Variants in ANO10 observed in about 807,000 individuals in gnomAD.
ANO10 encodes anoctamin-10.
Under a neutral mutation model 74.7 loss-of-function variants are expected in ANO10, and 77 were observed. That is an observed-to-expected ratio of 1.03 (90% CI 0.86 to 1.25). ANO10 has a LOEUF of 1.25. ANO10 is among the 50% of genes most tolerant of loss of function. The pLI, the probability that ANO10 is intolerant of heterozygous loss-of-function variation, is 0.00. For synonymous variants in ANO10, 279 were observed against 284.9 expected, an observed-to-expected ratio of 0.98 and a Z score of 0.21; for missense variants, 721 against 778.1, an observed-to-expected ratio of 0.93 and a Z score of 0.87.
chr3:43,590,585 G>A (rs2081690166), intron 4 of ANO10, among the ~76,000 whole-genome samples: 1 of 152,158 alleles, frequency 6.6e-6, no homozygotes. Context: ...GGGGAACAAT[G>A]AGAAAACGAT....
Position 43,432,709 on chromosome 3 carries a change from T to C in ANO10, c.1816A>G (p.Lys606Glu), listed in dbSNP as rs765087258. Residue 606 changes from lysine (K) to glutamate (E), a missense_variant, in exon 12 of 13, where the codon AAG becomes GAG. Lys to Glu is a moderately conservative substitution (Grantham distance 56). Coordinates refer to ENST00000292246, the MANE Select transcript of ANO10 (RefSeq NM_018075.5). The stretch of plus-strand genomic sequence containing the variant: ...GGTATGGCAAATGCAAGTATAAACT[T>C]TAAAGCCAGGAGTGCGTGCTGAAAA... ...VAVEHALLAL[K>E]FILAFAIPDK... is the part of the protein sequence containing the mutation. 6.2e-7 allele frequency: 1 copy of C among 1,613,576 alleles called. No individual in the cohort carries two copies. Among genetic ancestry groups the C allele is most frequent in the South Asian group, 1.1e-5 (1 of 91,074 alleles).
chr3:43,477,168 C>T (rs1288099064), intron 11 of ANO10, among the ~76,000 whole-genome samples: 2 of 151,988 alleles, frequency 1.3e-5, no homozygotes, highest in Non-Finnish European at 2.9e-5. Flanking sequence ...TTTCATTATC[C>T]CTCAAATTAA....
At chr3:43,460,623 T>C (rs2075335843) in intron 11 of ANO10, among the ~76,000 whole-genome samples, 1 of 152,188 alleles carries the variant, frequency 6.6e-6, no homozygotes, top group South Asian at 2.1e-4. Flanking sequence ...TGCTACTGGC[T>C]AATTCTCAAT....
At chr3:43,676,535 T>G (rs998962020) in intron 1 of ANO10, among the ~76,000 whole-genome samples, 4 of 152,158 alleles carry the variant, frequency 2.6e-5, no homozygotes, top group African/African-American at 9.7e-5. Context: ...GACAAAATTA[T>G]AGGAATAGAT....
intron 11 of ANO10, among the ~76,000 whole-genome samples, chr3:43,545,516 C>T (rs1043344583): frequency 2.0e-5 from 3 of 152,116 alleles, no homozygotes; most frequent in Non-Finnish European, 4.4e-5. Flanking sequence ...CAGGCACGCA[C>T]CACCATGCCC....
chr3:43,595,425 G>A (rs1341521757), intron 4 of ANO10, among the ~76,000 whole-genome samples: 1 of 152,260 alleles, frequency 6.6e-6, no homozygotes, highest in East Asian at 1.9e-4. Context: ...ATGATCAAGT[G>A]GGCTTCATCC....
chr3:43,485,804 G>C, intron 11 of ANO10: 1 of 274,198 alleles, frequency 3.6e-6, no homozygotes, highest in Non-Finnish European at 7.2e-6. Context: ...GTGGTAGTGG[G>C]GCAGTGTGTG....
At chr3:43,476,997 T>C (rs1296506087) in intron 11 of ANO10, among the ~76,000 whole-genome samples, 1 of 152,196 alleles carries the variant, frequency 6.6e-6, no homozygotes, top group Non-Finnish European at 1.5e-5. Flanking sequence ...TTTCTTTTAT[T>C]TGAGAAAGTA....
chr3:43,673,554 G>A (rs2084085762), intron 1 of ANO10, among the ~76,000 whole-genome samples: 1 of 152,064 alleles, frequency 6.6e-6, no homozygotes. Flanking sequence ...ACATTTTGGA[G>A]GGCAATGCTT....
chr3:43,578,749 C>CAAAAAAAAAAAA lies in ANO10; in HGVS notation c.593-1500_593-1489dup, dbSNP rs56186109. Among the ~76,000 whole-genome samples the CAAAAAAAAAAAA allele has an allele frequency of 2.5e-4, 16 of 64,438 alleles. 1 individual carries two copies. Among genetic ancestry groups the CAAAAAAAAAAAA allele is most frequent in the South Asian group, 1.1e-3 (1 of 910 alleles). The allele number at this position is 64,438 out of a possible 152,430, so 42.3% of individuals were successfully genotyped here. ...TGGGCCACAGAGCAAGACTCCATCT[C>CAAAAAAAAAAAA]AAAAAAAAAAAAAAAAAAAAAAAAA... On this transcript the variant is annotated intron_variant, in intron 5 of 12. Transcript: ENST00000292246.
intron 8 of ANO10, among the ~76,000 whole-genome samples, chr3:43,565,017 A>T (rs2080242363): frequency 6.6e-6 from 1 of 152,262 alleles, no homozygotes; most frequent in African/African-American, 2.4e-5. Flanking sequence ...TCTATTTTGA[A>T]AAATAATTTT....
chr3:43,414,691 G>GCA (rs1326201186), intron 12 of ANO10, among the ~76,000 whole-genome samples: 2 of 152,298 alleles, frequency 1.3e-5, no homozygotes, highest in East Asian at 3.9e-4. Flanking sequence ...TTGCCAGAAA[G>GCA]CACGTAATTT....
chr3:43,661,200 A>T (rs980596085), intron 1 of ANO10, among the ~76,000 whole-genome samples: 2 of 152,232 alleles, frequency 1.3e-5, no homozygotes, highest in African/African-American at 4.8e-5. Context: ...GACTAACAGC[A>T]GATCTCTCTG....
At position 43,555,327 on chromosome 3, in the gene ANO10, A is replaced by G; in HGVS notation, c.1619T>C (p.Val540Ala). The change falls in exon 10 of 13, where the codon GTC becomes GCC. Residue 540 changes from valine (V) to alanine (A), a missense_variant. By Grantham distance (64) the Val-to-Ala change is moderately conservative (BLOSUM62 0). Coordinates refer to ENST00000292246, the MANE Select transcript of ANO10 (RefSeq NM_018075.5). ...VNSDALKMCR[V>A]FKRPFSEPSA... is the part of the protein sequence containing the mutation. ...AGGTTCTGAGAATGGACGTTTGAAG[A>G]CCCTGCACATTTTTAAGGCATCTGA... The G allele has an allele frequency of 6.2e-7, 1 of 1,614,108 alleles. No homozygotes were observed. Among genetic ancestry groups the G allele is most frequent in the Non-Finnish European group, 8.5e-7 (1 of 1,180,016 alleles).
intron 7 of ANO10, among the ~76,000 whole-genome samples, chr3:43,566,285 G>T (rs1206970660): frequency 6.6e-6 from 1 of 152,236 alleles, no homozygotes; most frequent in African/African-American, 2.4e-5. Context: ...GCCCAGGCTT[G>T]ATTAGGTAAA....
intron 11 of ANO10, among the ~76,000 whole-genome samples, chr3:43,535,570 G>A (rs2078678152): frequency 6.6e-6 from 1 of 152,066 alleles, no homozygotes; most frequent in African/African-American, 2.4e-5. Flanking sequence ...CACAGCGCCT[G>A]GCCTCCTAGA....
intron 1 of ANO10, among the ~76,000 whole-genome samples, chr3:43,662,173 A>T (rs1269549884): frequency 6.6e-6 from 1 of 152,196 alleles, no homozygotes; most frequent in African/African-American, 2.4e-5. Context: ...ACTCCTTAGC[A>T]AATGTAAAAG....
chr3:43,598,044 A>C (rs541134984), intron 4 of ANO10, among the ~76,000 whole-genome samples: 1 of 152,330 alleles, frequency 6.6e-6, no homozygotes, highest in South Asian at 2.1e-4. Flanking sequence ...GTTTGAAGCA[A>C]ACTTGGAATT....
At chr3:43,507,291 G>A (rs2077331391) in intron 11 of ANO10, among the ~76,000 whole-genome samples, 1 of 152,080 alleles carries the variant, frequency 6.6e-6, no homozygotes, top group Admixed American at 6.5e-5. Flanking sequence ...GTAGGAGACA[G>A]GGTGGGTTGT....
Sources: allele counts gnomAD v4.1 joint callset (sites outside exome capture counted in the v4.1 genomes callset), GRCh38; gene constraint gnomAD v4.1.1; transcripts MANE v1.5; gene names NCBI Gene and HGNC (gene_info 2026-07-23, HGNC 2026-07-21).